Variants in NSMF observed in about 807,000 individuals in gnomAD.
The protein encoded by NSMF is nasal embryonic LHRH factor.
In NSMF, 31 loss-of-function variants were observed where a neutral mutation model predicts 71.0. That is an observed-to-expected ratio of 0.44 (90% CI 0.33 to 0.59). The LOEUF is 0.59. NSMF is among the 20% of genes least tolerant of loss of function. The probability of loss-of-function intolerance (pLI) is 0.04; values close to 1 mark genes in which losing one functional copy is unlikely to be tolerated. For synonymous variants in NSMF, 345 were observed against 287.1 expected (o/e 1.20, Z -2.04); for missense variants, 673 against 740.5 (o/e 0.91, Z 1.06).
chr9:137,459,265 C>T lies in NSMF; in HGVS notation c.-163G>A. ...GCTCGGGGTCGGGCTCGGGGTCGGGCCCGGTCCCCGCATGGCCGCACCCGG... is the reference window on the plus strand; with the variant it reads ...GCTCGGGGTCGGGCTCGGGGTCGGGTCCGGTCCCCGCATGGCCGCACCCGG... On this transcript the variant is annotated 5_prime_UTR_variant, in exon 1 of 16. Transcript: ENST00000371475. The T allele has an allele frequency of 3.0e-6, 1 of 333,414 alleles. No homozygotes were observed. The highest frequency in any genetic ancestry group is 1.1e-4 in the South Asian group (1 of 8,912). The allele number at this position is 333,414 out of a possible 1,614,324, so 20.7% of individuals were successfully genotyped here.
Position 137,453,702 on chromosome 9 carries a change from A to T in NSMF, c.922+29T>A. ...TGGGGTCTAGGGGAGGCTCTGGGGA[A>T]GGTGGGCGGGCCTGTGCGGGGCACC... On this transcript the variant is annotated intron_variant, in intron 8 of 15. Transcript: ENST00000371475. This position sits in a 1 kb window ranked among gnomAD's most constrained non-coding sequence, Gnocchi z 4.5. The T allele has an allele frequency of 6.4e-7, 1 of 1,554,154 alleles. No homozygotes were observed. Among genetic ancestry groups the T allele is most frequent in the Non-Finnish European group, 8.7e-7 (1 of 1,144,558 alleles).
intron 6 of NSMF, chr9:137,454,726 C>A: frequency 1.3e-6 from 2 of 1,489,836 alleles, no homozygotes; most frequent in Non-Finnish European, 1.8e-6. Context: ...TCTGACCTTC[C>A]GTCCTCGCCC....
At chr9:137,454,361 C>T (rs772639643) in intron 7 of NSMF, 30 bp downstream of exon 7, 50 of 1,544,042 alleles carry the variant, frequency 3.2e-5, no homozygotes, top group Middle Eastern at 1.8e-4. Flanking sequence ...CGCAACGCCG[C>T]CCCCCCACCC....
At position 137,453,031 on chromosome 9, in the gene NSMF, G is replaced by A; in HGVS notation, c.1047+25C>T. On this transcript the variant is annotated intron_variant, in intron 9 of 15. Transcript: ENST00000371475. This position sits in a 1 kb window ranked among gnomAD's most constrained non-coding sequence, Gnocchi z 4.5. ...GCGGAGTCCTGCTCGGGGTGTAGAG[G>A]AGCACTGCCCGGGCTGGGCCTCACC... 6.2e-7 allele frequency: 1 copy of A among 1,611,498 alleles called. No homozygotes were observed. The highest frequency in any genetic ancestry group is 8.5e-7 in the Non-Finnish European group (1 of 1,179,882).
intron 14 of NSMF, 112 bp downstream of exon 14, chr9:137,449,811 G>A: frequency 7.7e-7 from 1 of 1,294,008 alleles, no homozygotes; most frequent in Admixed American, 1.8e-5. Context: ...GGATTTCTAG[G>A]GGAATGCCCG....
At position 137,452,545 on chromosome 9, in the gene NSMF, G is replaced by A. The variant is rs748529762; in HGVS notation, c.1165+8C>T. On this transcript the variant is annotated splice_region_variant and intron_variant, in intron 11 of 15. Coordinates refer to ENST00000371475, the MANE Select transcript of NSMF (RefSeq NM_001130969.3). ...AACCAGCAGAGAGAAGGCCAATGAGGCACATACCAAGGATGTCCTCGAAGG... is the reference window on the plus strand; with the variant it reads ...AACCAGCAGAGAGAAGGCCAATGAGACACATACCAAGGATGTCCTCGAAGG... The A allele has an allele frequency of 2.5e-6, 4 of 1,612,628 alleles. No individual in the cohort carries two copies. The highest frequency in any genetic ancestry group is 2.2e-5 in the East Asian group (1 of 44,832).
At chr9:137,456,351 T>C in intron 4 of NSMF, 60 bp downstream of exon 4, 1 of 1,352,052 alleles carries the variant, frequency 7.4e-7, no homozygotes, top group South Asian at 1.2e-5. Flanking sequence ...AAGTGCTGTT[T>C]CCTGAGCAGC....
chr9:137,457,515 C>A lies in NSMF; in HGVS notation c.520G>T (p.Ala174Ser). ...SKECPGCAQLAPGPTPRAFGL... is the reference protein window; with the variant it reads ...SKECPGCAQLSPGPTPRAFGL... ...AAGGCCCGAGGGGTGGGGCCAGGAG[C>A]CAGCTGGGCACATCCGGGGCACTCC... is the stretch of plus-strand genomic sequence containing the variant. Residue 174 changes from alanine to serine, a missense_variant, in exon 3 of 16, where the codon GCT becomes TCT. Around this residue, in one of 2 missense-constraint regions of NSMF, gnomAD observed 471 missense variants for 459.6 expected, o/e 1.02. Coordinates refer to ENST00000371475, the MANE Select transcript of NSMF (RefSeq NM_001130969.3). The A allele has an allele frequency of 1.9e-6, 3 of 1,610,574 alleles. No homozygotes were observed. Among genetic ancestry groups the A allele is most frequent in the Non-Finnish European group, 2.5e-6 (3 of 1,179,048 alleles).
intron 1 of NSMF, 26 bp downstream of exon 1, chr9:137,459,006 C>T: frequency 7.9e-7 from 1 of 1,267,958 alleles, no homozygotes; most frequent in Non-Finnish European, 9.9e-7. Context: ...GGGCGGGGTG[C>T]GGGAAGGCGG....
At position 137,449,253 on chromosome 9, in the gene NSMF, C is replaced by A. The variant is rs947733425; in HGVS notation, c.*141G>T. 7.6e-5 allele frequency: 55 copies of A among 725,562 alleles called. No individual in the cohort carries two copies. In the Admixed American group the frequency reaches 9.2e-4, roughly 12 times the overall value. The allele number at this position is 725,562 out of a possible 1,614,324, so 44.9% of individuals were successfully genotyped here. On this transcript the variant is annotated 3_prime_UTR_variant, in exon 16 of 16. Transcript: ENST00000371475. ...CGAGGACCGGAACCCACAGGGGGAA[C>A]CTGAGCAACGTCTGAGGTGCCCTGA... is the stretch of plus-strand genomic sequence containing the variant.
Position 137,453,903 on chromosome 9 carries a change from G to C in NSMF, c.833-83C>G, listed in dbSNP as rs1357904440. On this transcript the variant is annotated intron_variant, in intron 7 of 15. Transcript: ENST00000371475. The surrounding 1 kb of genome is among the most constrained non-coding windows in gnomAD (Gnocchi z 4.5). The stretch of plus-strand genomic sequence containing the variant: ...GACCCCAGGCGAGGGGACCACAGGG[G>C]CCCTGGGCAGAGGAGGAAGCTAATG... 10 of 1,186,288 alleles carry C rather than the reference G, an allele frequency of 8.4e-6. No homozygotes were observed. In the Admixed American group the frequency reaches 1.6e-4, roughly 19 times the overall value. The allele number at this position is 1,186,288 out of a possible 1,614,324, so 73.5% of individuals were successfully genotyped here. A position where few individuals can be genotyped will look rare whatever the true frequency, so the allele number is the denominator to read the frequency against.
intron 3 of NSMF, 30 bp from the exon 4 acceptor site, chr9:137,456,516 G>C: frequency 6.8e-7 from 1 of 1,464,342 alleles, no homozygotes; most frequent in African/African-American, 1.4e-5. Flanking sequence ...GCGGTGGCTG[G>C]GTGAAGTAGG....
chr9:137,454,393 T>G lies in NSMF; in HGVS notation c.830A>C (p.Gln277Pro). ...RMVGSRRVKAQTFAERRERSF... is the reference protein window; with the variant it reads ...RMVGSRRVKAPTFAERRERSF... ...ACCCCCGCCGCACGGGGTCTTACTCTGGGCCTTCACCCTCCGGCTGCCGAC... is the reference window on the plus strand; with the variant it reads ...ACCCCCGCCGCACGGGGTCTTACTCGGGGCCTTCACCCTCCGGCTGCCGAC... Residue 277 changes from glutamine to proline, a missense_variant and splice_region_variant, in exon 7 of 16, where the codon CAG becomes CCG. Coordinates refer to ENST00000371475, the MANE Select transcript of NSMF (RefSeq NM_001130969.3). 1 of 1,550,078 alleles carries G rather than the reference T, an allele frequency of 6.5e-7. No homozygotes were observed. The highest frequency in any genetic ancestry group is 8.7e-7 in the Non-Finnish European group (1 of 1,146,768).
Position 137,449,031 on chromosome 9 carries a change from G to C in NSMF, c.*363C>G. On this transcript the variant is annotated 3_prime_UTR_variant, in exon 16 of 16. Coordinates refer to ENST00000371475, the MANE Select transcript of NSMF (RefSeq NM_001130969.3). ...AGCATAGTGCTTAACTAGTTAACAA[G>C]AAATGCTGCTTCCCTTTGAATTGTT... 2.5e-6 allele frequency: 1 copy of C among 405,758 alleles called. No homozygotes were observed. The highest frequency in any genetic ancestry group is 4.7e-6 in the Non-Finnish European group (1 of 214,410). 25.1% of individuals were successfully genotyped at this position (405,758 alleles called of 1,614,324 possible).
In NSMF at chr9:137,457,300, C is replaced by T. The variant is rs970096231; in HGVS notation, c.628+107G>A. The T allele has an allele frequency of 4.0e-6, 6 of 1,492,244 alleles. No individual in the cohort carries two copies. The African/African-American group carries it at 6.9e-5, about 17-fold the overall frequency. 92.4% of individuals were successfully genotyped at this position (1,492,244 alleles called of 1,614,324 possible). A position where few individuals can be genotyped will look rare whatever the true frequency, so the allele number is the denominator to read the frequency against. On this transcript the variant is annotated intron_variant, in intron 3 of 15. Coordinates refer to ENST00000371475, the MANE Select transcript of NSMF (RefSeq NM_001130969.3). ...TCTTGAGTCCGCTGGCATGCTGTGA[C>T]CTGAGCACCTGTTCTCTGTTCCAAG...
At chr9:137,458,427 G>C in intron 2 of NSMF, 61 bp downstream of exon 2, 1 of 1,420,460 alleles carries the variant, frequency 7.0e-7, no homozygotes, top group Non-Finnish European at 9.6e-7. Flanking sequence ...CGGAGGCAGG[G>C]ATCAGCATCC....
At chr9:137,452,516 C>T in intron 11 of NSMF, 37 bp downstream of exon 11, 1 of 1,612,568 alleles carries the variant, frequency 6.2e-7, no homozygotes, top group Non-Finnish European at 8.5e-7. Context: ...CCTCCCAGGC[C>T]TGGAACCAGC....
intron 1 of NSMF, 96 bp downstream of exon 1, chr9:137,458,936 G>A (rs868818464): frequency 2.0e-6 from 2 of 1,000,836 alleles, no homozygotes; most frequent in African/African-American, 1.7e-5. Context: ...AGAGGCCGGG[G>A]CCCGGGAGCC....
chr9:137,457,222 G>T (rs1047907652), intron 3 of NSMF, among the ~76,000 whole-genome samples, 185 bp downstream of exon 3: 3 of 152,168 alleles, frequency 2.0e-5, no homozygotes, highest in African/African-American at 7.2e-5. Context: ...GGAGCTGAGG[G>T]AGCTCACAGC....
Sources: allele counts gnomAD v4.1 joint callset (sites outside exome capture counted in the v4.1 genomes callset), GRCh38; gene constraint gnomAD v4.1.1; regional missense constraint gnomAD v4.1.1; non-coding constraint Gnocchi (gnomAD v3.1); transcripts MANE v1.5; gene names NCBI Gene and HGNC (gene_info 2026-07-23, HGNC 2026-07-21).